Variants in TBC1D5 observed in about 807,000 individuals in gnomAD.
TBC1D5 encodes TBC1 domain family, member 5.
Under a neutral mutation model 100.3 loss-of-function variants are expected in TBC1D5, and 75 were observed. The observed-to-expected ratio is 0.75, with a 90% CI of 0.62 to 0.91. TBC1D5 has a LOEUF of 0.91. TBC1D5 is among the 40% of genes least tolerant of loss of function. TBC1D5 has a pLI of 0.00. For synonymous variants in TBC1D5, 323 were observed against 325.6 expected (o/e 0.99, Z 0.09); for missense variants, 910 against 942.4 (o/e 0.97, Z 0.45).
At chr3:17,380,071 G>GTGTGTGTGTGTA (rs1205722167) in intron 9 of TBC1D5, among the ~76,000 whole-genome samples, 4 of 149,722 alleles carry the variant, frequency 2.7e-5, no homozygotes, top group Non-Finnish European at 4.4e-5. Context: ...GTGTGTGTGT[G>GTGTGTGTGTGTA]TGTGTGTGTG....
chr3:17,270,638 G>A (rs1159357850), intron 15 of TBC1D5, among the ~76,000 whole-genome samples: 4 of 152,102 alleles, frequency 2.6e-5, no homozygotes, highest in African/African-American at 4.8e-5. Flanking sequence ...GTTCTCACTT[G>A]TCAGTTTTTG....
At chr3:17,675,464 T>C (rs1054480081) in intron 1 of TBC1D5, among the ~76,000 whole-genome samples, 1 of 152,112 alleles carries the variant, frequency 6.6e-6, no homozygotes, top group Non-Finnish European at 1.5e-5. Flanking sequence ...GCATACAGCT[T>C]CTTAAGAAAA....
intron 14 of TBC1D5, among the ~76,000 whole-genome samples, chr3:17,305,882 G>A (rs2083344620): frequency 6.6e-6 from 1 of 151,954 alleles, no homozygotes; most frequent in Non-Finnish European, 1.5e-5. Flanking sequence ...TCTCTCCTTC[G>A]ATTTCATCTT....
At chr3:17,674,044 T>C (rs1048304433) in intron 1 of TBC1D5, among the ~76,000 whole-genome samples, 1 of 152,180 alleles carries the variant, frequency 6.6e-6, no homozygotes, top group South Asian at 2.1e-4. Flanking sequence ...TGTCACTTCA[T>C]TAGTGAGTTA....
intron 9 of TBC1D5, among the ~76,000 whole-genome samples, chr3:17,381,763 T>C (rs1407482002): frequency 1.3e-5 from 2 of 151,676 alleles, no homozygotes; most frequent in Non-Finnish European, 2.9e-5. Context: ...TTTCCTAGTC[T>C]GAGATTACAA....
chr3:17,591,294 C>A (rs943174455), intron 2 of TBC1D5, among the ~76,000 whole-genome samples: 1 of 134,902 alleles, frequency 7.4e-6, no homozygotes, highest in Non-Finnish European at 1.6e-5. Context: ...CATGGCCCCT[C>A]AATTAATTTC....
chr3:17,414,471 A>G (rs1045286977), intron 4 of TBC1D5, among the ~76,000 whole-genome samples: 4 of 152,352 alleles, frequency 2.6e-5, no homozygotes, highest in Admixed American at 2.0e-4. Context: ...CCAGTATTAC[A>G]TTTAAGAGTA....
At chr3:17,240,061 G>T in intron 16 of TBC1D5, among the ~76,000 whole-genome samples, 1 of 152,020 alleles carries the variant, frequency 6.6e-6, no homozygotes, top group East Asian at 1.9e-4. Context: ...CACTTAAATG[G>T]TAATTCTACC....
chr3:17,693,799 T>C (rs2071554867), intron 1 of TBC1D5, among the ~76,000 whole-genome samples: 1 of 152,320 alleles, frequency 6.6e-6, no homozygotes, highest in Admixed American at 6.5e-5. Flanking sequence ...CCTGAACCCG[T>C]GTAGCCAAAC....
At chr3:17,612,892 T>TC (rs908980353) in intron 2 of TBC1D5, among the ~76,000 whole-genome samples, 1 of 151,528 alleles carries the variant, frequency 6.6e-6, no homozygotes, top group African/African-American at 2.4e-5. Context: ...CCTTTTCTTT[T>TC]TTTTTTTTTT....
chr3:17,297,767 T>A (rs1179547060), intron 14 of TBC1D5, among the ~76,000 whole-genome samples: 1 of 150,414 alleles, frequency 6.6e-6, no homozygotes, highest in African/African-American at 2.5e-5. Context: ...TTTTTTTTTT[T>A]TAATTGAGAC....
At chr3:17,265,480 T>G (rs1307240914) in intron 15 of TBC1D5, among the ~76,000 whole-genome samples, 1 of 152,050 alleles carries the variant, frequency 6.6e-6, no homozygotes, top group African/African-American at 2.4e-5. Flanking sequence ...CGTTCCTCTT[T>G]GATGAAAAAT....
chr3:17,386,847 C>T (rs575521372), intron 8 of TBC1D5, among the ~76,000 whole-genome samples: 1 of 152,202 alleles, frequency 6.6e-6, no homozygotes, highest in East Asian at 1.9e-4. Flanking sequence ...ATATCAATTC[C>T]TGGTTTCATT....
intron 2 of TBC1D5, among the ~76,000 whole-genome samples, chr3:17,510,114 G>C (rs561768853): frequency 2.0e-5 from 3 of 152,056 alleles, no homozygotes; most frequent in African/African-American, 7.2e-5. Flanking sequence ...AGAGAAAAAA[G>C]AAGTGGTAAA....
chr3:17,662,854 A>T (rs2066798709), intron 1 of TBC1D5: 2 of 152,156 alleles, frequency 1.3e-5, no homozygotes, highest in African/African-American at 4.8e-5. Context: ...TGACACACAA[A>T]AAGTAGAAAC....
chr3:17,653,687 A>G (rs1284518437), intron 1 of TBC1D5, among the ~76,000 whole-genome samples: 1 of 152,192 alleles, frequency 6.6e-6, no homozygotes, highest in Non-Finnish European at 1.5e-5. Context: ...AATTTCATTA[A>G]TAGTACTATA....
intron 18 of TBC1D5, among the ~76,000 whole-genome samples, chr3:17,191,433 T>C (rs908835891): frequency 6.6e-6 from 1 of 152,174 alleles, no homozygotes; most frequent in Non-Finnish European, 1.5e-5. Flanking sequence ...AATACAATCC[T>C]AGAAAGTTAT....
At chr3:17,513,529 C>A (rs1427501448) in intron 2 of TBC1D5, among the ~76,000 whole-genome samples, 1 of 152,278 alleles carries the variant, frequency 6.6e-6, no homozygotes, top group East Asian at 1.9e-4. Context: ...TATATTCTCT[C>A]CTTAACTGTT....
At chr3:17,602,825 T>C (rs2061067749) in intron 2 of TBC1D5, among the ~76,000 whole-genome samples, 1 of 152,084 alleles carries the variant, frequency 6.6e-6, no homozygotes, top group Non-Finnish European at 1.5e-5. Context: ...TCCACCCACC[T>C]TGGCCTCCCA....
Sources: gnomAD v4.1 joint callset for allele counts (sites outside exome capture counted in the v4.1 genomes callset) on GRCh38, gnomAD v4.1.1 for gene constraint, MANE v1.5 for transcripts, NCBI Gene and HGNC (gene_info 2026-07-23, HGNC 2026-07-21) for gene names.